The following ASIC2 variants were observed in gnomAD, a reference collection of about 807,000 sequenced individuals.
ASIC2 encodes the protein acid-sensing ion channel 2.
A neutral mutation model predicts 57.3 loss-of-function variants in ASIC2; 25 were observed. The observed-to-expected ratio is 0.44, with a 90% confidence interval of 0.32 to 0.61. The LOEUF (loss-of-function observed/expected upper bound fraction) is 0.61. Among genes scored for constraint, ASIC2 ranks in the 20% least tolerant of loss-of-function variants. ASIC2 has a pLI of 0.06. For synonymous variants in ASIC2, 319 were observed against 307.5 expected, an observed-to-expected ratio of 1.04 and a Z score of -0.39; for missense variants, 641 against 738.1, an observed-to-expected ratio of 0.87 and a Z score of 1.52.
At chr17:33,411,164 G>A (rs960127760) in intron 1 of ASIC2, among the ~76,000 whole-genome samples, 4 of 152,212 alleles carry the variant, frequency 2.6e-5, no homozygotes, top group Admixed American at 2.0e-4. Context: ...AACATAGGCT[G>A]CTACTCCAGG....
chr17:33,789,406 C>T lies in ASIC2; in HGVS notation c.555+366572G>A, dbSNP rs946921612. Reference sequence around the variant, plus strand: ...AATTCTCCCAACAACAAACTACAATCCCCATTTTATAGACAAGGAAACAGG... The same window carrying T: ...AATTCTCCCAACAACAAACTACAATTCCCATTTTATAGACAAGGAAACAGG... On this transcript the variant is annotated intron_variant, in intron 1 of 9. Transcript: ENST00000359872. Among the ~76,000 whole-genome samples the T allele has an allele frequency of 7.2e-5, 11 of 151,734 alleles. No homozygotes were observed. The South Asian group carries it at 2.1e-3, about 29-fold the overall frequency.
intron 1 of ASIC2, among the ~76,000 whole-genome samples, chr17:33,471,339 G>A (rs1042420769): frequency 6.7e-6 from 1 of 149,658 alleles, no homozygotes; most frequent in African/African-American, 2.6e-5. Context: ...GCTGTCGACT[G>A]ATGACACCTG....
intron 1 of ASIC2, among the ~76,000 whole-genome samples, chr17:33,142,607 G>C (rs1012605124): frequency 6.6e-6 from 1 of 152,126 alleles, no homozygotes; most frequent in Non-Finnish European, 1.5e-5. Flanking sequence ...AAGTGAGGCT[G>C]GTATGGGGCT....
At chr17:33,343,923 C>G (rs1025467026) in intron 1 of ASIC2, among the ~76,000 whole-genome samples, 1 of 152,170 alleles carries the variant, frequency 6.6e-6, no homozygotes, top group African/African-American at 2.4e-5. Flanking sequence ...CTACCTGGAC[C>G]GCCCTGTGTC....
chr17:33,915,049 T>C (rs1312183564), intron 1 of ASIC2, among the ~76,000 whole-genome samples: 2 of 152,234 alleles, frequency 1.3e-5, no homozygotes, highest in Non-Finnish European at 2.9e-5. Flanking sequence ...AGGCAACATA[T>C]GACTGGACAG....
intron 1 of ASIC2, among the ~76,000 whole-genome samples, chr17:33,753,201 T>C (rs1355403523): frequency 6.6e-6 from 1 of 152,128 alleles, no homozygotes; most frequent in Non-Finnish European, 1.5e-5. Flanking sequence ...AAGAAATCCA[T>C]CTACAAAAGC....
chr17:33,526,429 G>C (rs1914886564), intron 1 of ASIC2, among the ~76,000 whole-genome samples: 1 of 152,178 alleles, frequency 6.6e-6, no homozygotes, highest in African/African-American at 2.4e-5. Flanking sequence ...AAGGAGGACT[G>C]TTCTTTCTGG....
intron 1 of ASIC2, among the ~76,000 whole-genome samples, chr17:33,611,247 T>G (rs370746330): frequency 2.0e-5 from 3 of 152,100 alleles, no homozygotes; most frequent in African/African-American, 7.2e-5. Context: ...CTGTGCTGGA[T>G]GGTGGATGAC....
At chr17:33,158,744 T>C (rs189852980) in intron 1 of ASIC2, among the ~76,000 whole-genome samples, 2 of 152,346 alleles carry the variant, frequency 1.3e-5, no homozygotes, top group East Asian at 3.9e-4. Flanking sequence ...CTTTGTAAAA[T>C]GAAGACAATC....
chr17:33,320,083 C>G (rs1906810204), intron 1 of ASIC2, among the ~76,000 whole-genome samples: 1 of 152,128 alleles, frequency 6.6e-6, no homozygotes, highest in African/African-American at 2.4e-5. Flanking sequence ...CAGTAAAAAG[C>G]AGGAGTTAAT....
At chr17:33,635,041 C>T (rs1906310658) in intron 1 of ASIC2, 1 of 152,144 alleles carries the variant, frequency 6.6e-6, no homozygotes, top group African/African-American at 2.4e-5. Context: ...ATTTTACAAG[C>T]ATACACTGAG....
intron 1 of ASIC2, among the ~76,000 whole-genome samples, chr17:34,023,706 A>G (rs1907270545): frequency 6.6e-6 from 1 of 152,156 alleles, no homozygotes; most frequent in African/African-American, 2.4e-5. Context: ...AGCCCTCCCC[A>G]GGCAACTGAG....
intron 1 of ASIC2, among the ~76,000 whole-genome samples, chr17:33,374,926 C>T (rs1034197636): frequency 7.9e-5 from 12 of 152,116 alleles, no homozygotes; most frequent in Admixed American, 5.9e-4. Context: ...AGAATAACCT[C>T]TATTTTACCG....
At chr17:33,668,940 C>T (rs1049054969) in intron 1 of ASIC2, among the ~76,000 whole-genome samples, 2 of 152,222 alleles carry the variant, frequency 1.3e-5, no homozygotes, top group African/African-American at 4.8e-5. Flanking sequence ...CTGAATTTCC[C>T]TTCCTTGAAT....
chr17:34,055,529 CTTCT>C (rs1908734474), intron 1 of ASIC2, among the ~76,000 whole-genome samples: 1 of 152,028 alleles, frequency 6.6e-6, no homozygotes, highest in African/African-American at 2.4e-5. Context: ...CAGAAAGTTC[CTTCT>C]TGTTTCCTCT....
intron 9 of ASIC2, among the ~76,000 whole-genome samples, chr17:33,014,699 G>A (rs2091796628): frequency 6.6e-6 from 1 of 152,162 alleles, no homozygotes; most frequent in African/African-American, 2.4e-5. Context: ...CTAGCCAGGA[G>A]GCTGTGCCAG....
At chr17:33,678,177 A>G (rs1907885881) in intron 1 of ASIC2, among the ~76,000 whole-genome samples, 1 of 152,148 alleles carries the variant, frequency 6.6e-6, no homozygotes, top group South Asian at 2.1e-4. Context: ...GCAATGAAAT[A>G]TTTTTTAATT....
chr17:33,197,175 C>T (rs887962043), intron 1 of ASIC2, among the ~76,000 whole-genome samples: 2 of 152,180 alleles, frequency 1.3e-5, no homozygotes, highest in Non-Finnish European at 1.5e-5. Flanking sequence ...TAGCTCTTTC[C>T]CTGCTCTGGC....
chr17:33,151,189 AC>A (rs1904780223), intron 1 of ASIC2, among the ~76,000 whole-genome samples: 2 of 149,504 alleles, frequency 1.3e-5, no homozygotes, highest in African/African-American at 4.9e-5. Flanking sequence ...ACGCACACAC[AC>A]ACACACACAC....
Sources: gnomAD v4.1 joint callset for allele counts (sites outside exome capture counted in the v4.1 genomes callset) on GRCh38, gnomAD v4.1.1 for gene constraint, MANE v1.5 for transcripts, NCBI Gene and HGNC (gene_info 2026-07-23, HGNC 2026-07-21) for gene names.